EFR3B: variants seen among roughly 807,000 people sequenced by gnomAD.
EFR3B encodes EFR3 homolog B.
A neutral mutation model predicts 104.7 loss-of-function variants in EFR3B; 64 were observed. The observed-to-expected ratio is 0.61, with a 90% confidence interval of 0.50 to 0.75. The LOEUF is 0.75. EFR3B is among the 30% of genes least tolerant of loss of function. The pLI is 0.00. For synonymous variants in EFR3B, 385 were observed against 417.9 expected (o/e 0.92, Z 0.96); for missense variants, 750 against 1,078.5 (o/e 0.70, Z 4.27).
chr2:25,050,741 G>A (rs1048443548), intron 1 of EFR3B, among the ~76,000 whole-genome samples: 3 of 152,152 alleles, frequency 2.0e-5, no homozygotes, highest in Admixed American at 2.0e-4. Context: ...ATTCCATTTT[G>A]AGCTTACTGT....
At chr2:25,141,515 C>A in intron 17 of EFR3B, 82 bp downstream of exon 17, 1 of 1,438,006 alleles carries the variant, frequency 7.0e-7, no homozygotes, top group South Asian at 1.3e-5. Flanking sequence ...CAGGAGGGGT[C>A]AATGCCAGGA....
chr2:25,120,095 C>T (rs1253367182), intron 4 of EFR3B, among the ~76,000 whole-genome samples: 3 of 152,136 alleles, frequency 2.0e-5, no homozygotes, highest in Non-Finnish European at 4.4e-5. Context: ...GGGCTGATGC[C>T]TATAATCCCA....
chr2:25,052,794 T>G (rs1397462071), intron 1 of EFR3B, among the ~76,000 whole-genome samples: 1 of 151,906 alleles, frequency 6.6e-6, no homozygotes, highest in East Asian at 1.9e-4. Context: ...TGAGCCACTT[T>G]GCCCAGCCTG....
At position 25,137,894 on chromosome 2, in the gene EFR3B, G is replaced by A. The variant is rs6545970; in HGVS notation, c.1722+392G>A. Among the ~76,000 whole-genome samples the A allele has an allele frequency of 0.096, 14,619 of 152,222 alleles. 1,628 individuals are homozygous for A. Among genetic ancestry groups the A allele is most frequent in the African/African-American group, 0.28 (11,481 of 41,516 alleles). ...TAAAGATTCTCTGGTTCCCTTGGCC[G>A]GGCGTGGTGGCTCATGCCTGTAATC... On this transcript the variant is annotated intron_variant, in intron 15 of 22. Transcript: ENST00000403714. The surrounding 1 kb of genome is among the most constrained non-coding windows in gnomAD (Gnocchi z 4.7).
At chr2:25,124,527 TGGAGAC>T (rs1670111602) in intron 5 of EFR3B, among the ~76,000 whole-genome samples, 1 of 150,620 alleles carries the variant, frequency 6.6e-6, no homozygotes, top group Non-Finnish European at 1.5e-5. Flanking sequence ...GAGATTGAGA[TGGAGAC>T]CATCCTGGCT....
chr2:25,079,549 AGAG>A (rs1668731825), intron 1 of EFR3B, among the ~76,000 whole-genome samples: 4 of 152,192 alleles, frequency 2.6e-5, no homozygotes, highest in African/African-American at 9.6e-5. Context: ...TGCTTAGTGC[AGAG>A]CTGGTGGTAA....
intron 5 of EFR3B, among the ~76,000 whole-genome samples, chr2:25,124,787 T>C (rs1225918771): frequency 7.2e-6 from 1 of 139,370 alleles, no homozygotes; most frequent in African/African-American, 2.7e-5. Context: ...CCAGGTGTGG[T>C]GGCTAAAGCC....
chr2:25,106,456 A>ATTT (rs35899048), intron 4 of EFR3B, among the ~76,000 whole-genome samples: 11 of 129,728 alleles, frequency 8.5e-5, no homozygotes, highest in African/African-American at 1.4e-4. Flanking sequence ...TGCCCAGCTA[A>ATTT]TTTTTTTTTT....
rs1382526934 is a variant in EFR3B, at chr2:25,070,291, T to C, written c.8-21034T>C. Among the ~76,000 whole-genome samples, 5 of 152,280 alleles carry C rather than the reference T, an allele frequency of 3.3e-5. No individual in the cohort carries two copies. The East Asian group carries it at 5.8e-4, about 18-fold the overall frequency. On this transcript the variant is annotated intron_variant, in intron 1 of 22. Coordinates refer to ENST00000403714, the MANE Select transcript of EFR3B (RefSeq NM_014971.2). ...TATTTATTTACTTTGAGACAGAGTC[T>C]TGCTCTTTCTCCCAGGCTGGACTGC...
chr2:25,138,991 G>A (rs1670590474), intron 15 of EFR3B, 68 bp from the exon 16 acceptor site: 2 of 1,539,698 alleles, frequency 1.3e-6, no homozygotes, highest in Admixed American at 2.0e-5. Flanking sequence ...AAGAGGTCGG[G>A]TGGAGCGTTG....
At position 25,151,964 on chromosome 2, in the gene EFR3B, G is replaced by C; in HGVS notation, c.2242G>C (p.Val748Leu). 1 of 1,551,750 alleles carries C rather than the reference G, an allele frequency of 6.4e-7. No homozygotes were observed. Among genetic ancestry groups the C allele is most frequent in the Non-Finnish European group, 8.7e-7 (1 of 1,147,010 alleles). The change falls in exon 21 of 23, where the codon GTG (valine) becomes CTG (leucine). Residue 748 changes from valine to leucine, a missense_variant. Val to Leu is a conservative substitution (Grantham distance 32). Coordinates refer to ENST00000403714, the MANE Select transcript of EFR3B (RefSeq NM_014971.2). ...EQERERRRQV[V>L]EKFQKAPFEE... is the part of the protein sequence containing the mutation. ...GGAGCGTGAGCGGCGGCGGCAGGTG[G>C]TGGAGAAGTTCCAGAAGGCACCCTT... is the stretch of plus-strand genomic sequence containing the variant.
At chr2:25,071,546 A>G (rs990350222) in intron 1 of EFR3B, among the ~76,000 whole-genome samples, 1 of 152,144 alleles carries the variant, frequency 6.6e-6, no homozygotes, top group Admixed American at 6.5e-5. Context: ...GGTGTGAGCC[A>G]CTGCACCCAG....
intron 1 of EFR3B, among the ~76,000 whole-genome samples, chr2:25,078,162 C>G (rs1422364941): frequency 6.6e-6 from 1 of 152,142 alleles, no homozygotes; most frequent in African/African-American, 2.4e-5. Flanking sequence ...TTTCTCTTCC[C>G]CACGCCACCC....
intron 19 of EFR3B, chr2:25,147,424 G>A (rs574084197): frequency 6.6e-6 from 1 of 152,210 alleles, no homozygotes; most frequent in African/African-American, 2.4e-5. Context: ...GCATGTAGTT[G>A]GTGCTCACTT....
chr2:25,095,563 G>T (rs1474562171), intron 3 of EFR3B, among the ~76,000 whole-genome samples: 1 of 152,034 alleles, frequency 6.6e-6, no homozygotes, highest in African/African-American at 2.4e-5. Context: ...GGGTGTGGGG[G>T]CATGCACCTA....
chr2:25,084,835 A>G (rs1056518338), intron 1 of EFR3B, among the ~76,000 whole-genome samples: 1 of 152,228 alleles, frequency 6.6e-6, no homozygotes, highest in Admixed American at 6.5e-5. Flanking sequence ...AGCCTCTTCA[A>G]ATGAGGCAGT....
At chr2:25,106,343 G>A (rs935776640) in intron 4 of EFR3B, among the ~76,000 whole-genome samples, 2 of 151,984 alleles carry the variant, frequency 1.3e-5, no homozygotes, top group Non-Finnish European at 2.9e-5. Context: ...CGGATGGAGT[G>A]CACTGGCATG....
chr2:25,124,993 A>C (rs1670124895), intron 5 of EFR3B, among the ~76,000 whole-genome samples: 1 of 149,554 alleles, frequency 6.7e-6, no homozygotes, highest in Non-Finnish European at 1.5e-5. Flanking sequence ...GGGAGGTGGA[A>C]GTTGCAGTGA....
At chr2:25,124,100 A>T (rs7570529) in intron 5 of EFR3B, among the ~76,000 whole-genome samples, 3,120 of 151,716 alleles carry the variant, frequency 0.021, 100 homozygotes, top group African/African-American at 0.072. Context: ...TTTCCCTGAG[A>T]TCTCTCCTGT....
Sources: gnomAD v4.1 joint callset for allele counts (sites outside exome capture counted in the v4.1 genomes callset) on GRCh38, gnomAD v4.1.1 for gene constraint, Gnocchi (gnomAD v3.1) non-coding constraint, MANE v1.5 for transcripts, NCBI Gene and HGNC (gene_info 2026-07-23, HGNC 2026-07-21) for gene names.